The following CDH18 variants were observed in gnomAD, a reference collection of about 807,000 sequenced individuals.
CDH18 encodes the protein cadherin 18, also known as cadherin-18.
A neutral mutation model predicts 67.9 loss-of-function variants in CDH18; 31 were observed. That is an observed-to-expected ratio of 0.46 (90% CI 0.34 to 0.62). The LOEUF (loss-of-function observed/expected upper bound fraction) is 0.62. Ranked by LOEUF, CDH18 falls within the 20% of genes least tolerant of loss-of-function variation. The pLI is 0.01. For missense variants in CDH18, 890 were observed against 975.5 expected (o/e 0.91, Z 1.17); for synonymous variants, 362 against 347.2 (o/e 1.04, Z -0.48).
intron 1 of CDH18, among the ~76,000 whole-genome samples, chr5:20,398,061 C>G (rs1745427911): frequency 6.6e-6 from 1 of 152,110 alleles, no homozygotes; most frequent in African/African-American, 2.4e-5. Flanking sequence ...TTATAGGCTA[C>G]CACACCATAC....
At chr5:20,402,873 AC>A (rs1745888695) in intron 1 of CDH18, among the ~76,000 whole-genome samples, 1 of 151,856 alleles carries the variant, frequency 6.6e-6, no homozygotes, top group African/African-American at 2.4e-5. Flanking sequence ...GCACCACTGC[AC>A]CCCAGGCTGG....
At chr5:20,280,414 C>T (rs922255752) in intron 1 of CDH18, among the ~76,000 whole-genome samples, 2 of 152,010 alleles carry the variant, frequency 1.3e-5, no homozygotes, top group Non-Finnish European at 1.5e-5. Flanking sequence ...TGTGACCATG[C>T]GTCCTCATTG....
chr5:19,681,262 G>T (rs548879945), intron 5 of CDH18, among the ~76,000 whole-genome samples: 112 of 151,828 alleles, frequency 7.4e-4, no homozygotes, highest in African/African-American at 2.5e-3. Flanking sequence ...GTAGACAGAG[G>T]ATCAAAAACT....
chr5:20,073,136 A>T (rs1580176208), intron 2 of CDH18, among the ~76,000 whole-genome samples: 1 of 151,986 alleles, frequency 6.6e-6, no homozygotes, highest in Admixed American at 6.6e-5. Flanking sequence ...CCCCACATCA[A>T]ATTTACACTC....
At chr5:19,883,309 T>C (rs1175902296) in intron 2 of CDH18, among the ~76,000 whole-genome samples, 2 of 152,198 alleles carry the variant, frequency 1.3e-5, no homozygotes, top group African/African-American at 2.4e-5. Context: ...GTTCAAATTG[T>C]GTTACACTCT....
At position 20,029,490 on chromosome 5, in the gene CDH18, C is replaced by T. The variant is rs531406457; in HGVS notation, c.-517-37476G>A. On this transcript the variant is annotated intron_variant, in intron 2 of 14. Coordinates refer to the CDH18 transcript ENST00000507958. The stretch of plus-strand genomic sequence containing the variant: ...AAATTCTGGTATTTGCAAGTCTTGT[C>T]TTTCATTTAAGTGATATTCAACTTG... Among the ~76,000 whole-genome samples the T allele has an allele frequency of 4.0e-4, 61 of 152,242 alleles. 1 individual carries two copies. In the South Asian group the frequency reaches 0.012, roughly 31 times the overall value.
At chr5:20,016,517 T>A (rs1218074672) in intron 2 of CDH18, among the ~76,000 whole-genome samples, 3 of 152,052 alleles carry the variant, frequency 2.0e-5, no homozygotes, top group Non-Finnish European at 4.4e-5. Flanking sequence ...GATAGAAGCA[T>A]AAATGGAGGA....
At chr5:20,306,727 C>T (rs947820984) in intron 1 of CDH18, among the ~76,000 whole-genome samples, 23 of 152,134 alleles carry the variant, frequency 1.5e-4, no homozygotes, top group African/African-American at 5.6e-4. Flanking sequence ...ATGTTTTTAA[C>T]AGTGAGGGTT....
At position 19,473,009 on chromosome 5, in the gene CDH18, A is replaced by G; in HGVS notation, c.*217T>C. On this transcript the variant is annotated 3_prime_UTR_variant, in exon 13 of 13. Coordinates refer to ENST00000382275, the MANE Select transcript of CDH18 (RefSeq NM_004934.5). Reference sequence around the variant, plus strand: ...CAATTGAAAATATACACAAGGAACAATAACTTTTTCTTTGTATTGTCTTTT... The same window carrying G: ...CAATTGAAAATATACACAAGGAACAGTAACTTTTTCTTTGTATTGTCTTTT... The G allele has an allele frequency of 3.9e-6, 2 of 511,276 alleles. No individual in the cohort carries two copies. Among genetic ancestry groups the G allele is most frequent in the Non-Finnish European group, 6.8e-6 (2 of 293,680 alleles). The allele number at this position is 511,276 out of a possible 1,614,324, so 31.7% of individuals were successfully genotyped here.
intron 1 of CDH18, among the ~76,000 whole-genome samples, chr5:20,391,855 T>C (rs1489601206): frequency 2.0e-5 from 3 of 152,016 alleles, no homozygotes; most frequent in South Asian, 2.1e-4. Context: ...AGAAGTGGTA[T>C]AATTTATAAT....
chr5:20,500,589 C>T (rs544967218), intron 1 of CDH18, among the ~76,000 whole-genome samples: 1 of 152,180 alleles, frequency 6.6e-6, no homozygotes, highest in South Asian at 2.1e-4. Flanking sequence ...AACTGTGAGG[C>T]TTAGATCTGC....
chr5:19,591,156 A>G lies in CDH18; in HGVS notation c.900T>C (p.Asn300=), dbSNP rs769175401. ...IKANDADTGS[N]ADMTYSIING... Reference sequence around the variant, plus strand: ...TTATGATGGAGTAGGTCATGTCAGCATTTGAGCCAGTGTCAGCATCATTTG... The same window carrying G: ...TTATGATGGAGTAGGTCATGTCAGCGTTTGAGCCAGTGTCAGCATCATTTG... The change falls in exon 7 of 13, where the codon AAT becomes AAC. Residue 300 remains asparagine, a synonymous_variant. Coordinates refer to ENST00000382275, the MANE Select transcript of CDH18 (RefSeq NM_004934.5). The G allele has an allele frequency of 3.7e-6, 6 of 1,612,832 alleles. No homozygotes were observed. The highest frequency in any genetic ancestry group is 1.1e-5 in the South Asian group (1 of 90,990).
chr5:20,033,218 G>T (rs997241083), intron 2 of CDH18, among the ~76,000 whole-genome samples: 4 of 151,706 alleles, frequency 2.6e-5, no homozygotes, highest in African/African-American at 9.7e-5. Context: ...AAAAAAAAAT[G>T]CTTCCTCCTT....
chr5:19,648,314 C>T (rs1242832068), intron 5 of CDH18, among the ~76,000 whole-genome samples: 1 of 152,118 alleles, frequency 6.6e-6, no homozygotes, highest in African/African-American at 2.4e-5. Context: ...ACTTGAGAGG[C>T]TGAGGCAGGA....
intron 2 of CDH18, among the ~76,000 whole-genome samples, chr5:19,870,681 A>G (rs191350731): frequency 8.7e-4 from 133 of 152,256 alleles, no homozygotes; most frequent in Non-Finnish European, 1.5e-3. Context: ...TAAGAGTTAT[A>G]ACTCAAAATG....
intron 1 of CDH18, among the ~76,000 whole-genome samples, chr5:20,490,820 G>A (rs974499475): frequency 2.0e-5 from 3 of 151,968 alleles, no homozygotes; most frequent in African/African-American, 4.8e-5. Context: ...AAATAAATGA[G>A]AACATGAAAA....
intron 5 of CDH18, among the ~76,000 whole-genome samples, chr5:19,702,263 C>T (rs568092167): frequency 6.6e-6 from 1 of 151,498 alleles, no homozygotes; most frequent in South Asian, 2.1e-4. Context: ...ATTCTCCTGC[C>T]TCAGCCTCCT....
chr5:19,514,994 T>A (rs1181269016), intron 10 of CDH18, among the ~76,000 whole-genome samples: 2 of 152,230 alleles, frequency 1.3e-5, no homozygotes, highest in Non-Finnish European at 2.9e-5. Flanking sequence ...AACATTTAAG[T>A]CTTTAATCCA....
chr5:19,709,289 C>T (rs1764390104), intron 5 of CDH18, among the ~76,000 whole-genome samples: 1 of 152,036 alleles, frequency 6.6e-6, no homozygotes, highest in Non-Finnish European at 1.5e-5. Context: ...AAGGCTTGGC[C>T]CAGCACGGTG....
Sources: allele counts gnomAD v4.1 joint callset (sites outside exome capture counted in the v4.1 genomes callset), GRCh38; gene constraint gnomAD v4.1.1; transcripts MANE v1.5; gene names NCBI Gene and HGNC (gene_info 2026-07-23, HGNC 2026-07-21).